Variants in TEKT3 observed in about 807,000 individuals in gnomAD.
TEKT3 encodes the protein tektin-3.
TEKT3 carries 49 observed loss-of-function variants against 49.8 expected under a neutral mutation model. The ratio of observed to expected loss-of-function variants is 0.98; its 90% CI spans 0.78 to 1.25. The LOEUF (loss-of-function observed/expected upper bound fraction) is 1.25, where lower values mean the gene tolerates loss of function less well. Among genes scored for constraint, TEKT3 ranks in the 50% most tolerant of loss-of-function variants. The pLI, the probability that TEKT3 is intolerant of heterozygous loss-of-function variation, is 0.00. For missense variants in TEKT3, 595 were observed against 629.5 expected (o/e 0.95, Z 0.59); for synonymous variants, 225 against 237.2 (o/e 0.95, Z 0.47).
At chr17:15,337,799 C>A (rs568647094) in intron 2 of TEKT3, among the ~76,000 whole-genome samples, 12 of 152,094 alleles carry the variant, frequency 7.9e-5, no homozygotes, top group Non-Finnish European at 1.6e-4. Context: ...CGAGATCATG[C>A]CACTGCACTC....
chr17:15,314,182 T>C lies in TEKT3; in HGVS notation c.783A>G (p.Lys261=). The C allele has an allele frequency of 6.2e-7, 1 of 1,614,206 alleles. No homozygotes were observed. The highest frequency in any genetic ancestry group is 8.5e-7 in the Non-Finnish European group (1 of 1,180,030). The change falls in exon 6 of 9, where the codon AAA becomes AAG. Residue 261 remains lysine, a synonymous_variant. Coordinates refer to ENST00000395930, the MANE Select transcript of TEKT3 (RefSeq NM_031898.3). ...QHELEKDLSD[K]QTAYRIDDKC... is the part of the protein sequence containing the mutation. Reference sequence around the variant, plus strand: ...TGTCGTCGATCCGGTAAGCCGTCTGTTTGTCACTCAGGTCCTTTTCCAGCT... The same window carrying C: ...TGTCGTCGATCCGGTAAGCCGTCTGCTTGTCACTCAGGTCCTTTTCCAGCT...
intron 3 of TEKT3, among the ~76,000 whole-genome samples, chr17:15,329,694 G>A (rs1175862183): frequency 6.6e-6 from 1 of 152,124 alleles, no homozygotes; most frequent in Non-Finnish European, 1.5e-5. Context: ...ACAGCGGGGA[G>A]GGGTTGCAGT....
At chr17:15,315,534 G>T (rs1910962692) in intron 5 of TEKT3, among the ~76,000 whole-genome samples, 1 of 151,344 alleles carries the variant, frequency 6.6e-6, no homozygotes, top group Non-Finnish European at 1.5e-5. Flanking sequence ...TCAGATTCTG[G>T]ATATGGTTTG....
Position 15,331,304 on chromosome 17 carries a change from G to C in TEKT3, c.282C>G (p.Tyr94Ter). ...VSNRTTFFTR[Y>*]TPDDWYRSNL... Reference sequence around the variant, plus strand: ...TGGACCTGTACCAGTCATCCGGTGTGTATCTTGTGAAGAAAGTGGTTCTGT... The same window carrying C: ...TGGACCTGTACCAGTCATCCGGTGTCTATCTTGTGAAGAAAGTGGTTCTGT... The change falls in exon 3 of 9, where the codon TAC becomes TAG. Residue 94 changes from tyrosine (Y) to a stop codon, truncating the protein, a stop_gained. Coordinates refer to ENST00000395930, the MANE Select transcript of TEKT3 (RefSeq NM_031898.3). LOFTEE classifies it high-confidence loss of function. 1 of 1,614,206 alleles carries C rather than the reference G, an allele frequency of 6.2e-7. No homozygotes were observed. Among genetic ancestry groups the C allele is most frequent in the South Asian group, 1.1e-5 (1 of 91,090 alleles).
chr17:15,322,337 G>T (rs893365580), intron 4 of TEKT3, among the ~76,000 whole-genome samples: 1 of 152,146 alleles, frequency 6.6e-6, no homozygotes, highest in Non-Finnish European at 1.5e-5. Context: ...ATAAACTAAT[G>T]GTAATAATAC....
chr17:15,333,951 G>A (rs999815066), intron 2 of TEKT3, among the ~76,000 whole-genome samples: 2 of 151,786 alleles, frequency 1.3e-5, no homozygotes, highest in African/African-American at 2.4e-5. Flanking sequence ...TTTTAGTAGA[G>A]TCGGGGTTTC....
chr17:15,325,520 T>C (rs556118964), intron 4 of TEKT3, among the ~76,000 whole-genome samples: 2 of 152,304 alleles, frequency 1.3e-5, no homozygotes, highest in South Asian at 4.1e-4. Flanking sequence ...GATCAATGCC[T>C]AGTCCCCACT....
At chr17:15,339,780 A>T (rs1912146148) in intron 2 of TEKT3, among the ~76,000 whole-genome samples, 1 of 152,342 alleles carries the variant, frequency 6.6e-6, no homozygotes, top group African/African-American at 2.4e-5. Context: ...ACTTAATTAC[A>T]GTTCTAAATA....
intron 8 of TEKT3, among the ~76,000 whole-genome samples, chr17:15,308,014 C>T (rs1910615335): frequency 6.6e-6 from 1 of 152,126 alleles, no homozygotes; most frequent in Admixed American, 6.5e-5. Flanking sequence ...GGGTCAGATT[C>T]CTCCTGCTGT....
chr17:15,329,549 A>T (rs1460258928), intron 3 of TEKT3, among the ~76,000 whole-genome samples: 1 of 152,256 alleles, frequency 6.6e-6, no homozygotes, highest in African/African-American at 2.4e-5. Context: ...GAGTAATCTG[A>T]TGCTCAGGGA....
rs948344376 is a variant in TEKT3, at chr17:15,310,002, G to C, written c.1102-1184C>G. Among the ~76,000 whole-genome samples the C allele has an allele frequency of 5.3e-5, 8 of 152,136 alleles. No homozygotes were observed. In the South Asian group the frequency reaches 1.7e-3, roughly 32 times the overall value. On this transcript the variant is annotated intron_variant, in intron 7 of 8. Transcript: ENST00000395930. ...GAGACCTCGTGCAATCACAGATTTA[G>C]CATTTGTGTCATCCAGGCACTCTTC...
chr17:15,327,774 A>G, intron 4 of TEKT3: 1 of 449,724 alleles, frequency 2.2e-6, no homozygotes, highest in Non-Finnish European at 4.0e-6. Context: ...TAAAGCTTCA[A>G]GTGATTTTCA....
chr17:15,326,778 C>T (rs1911510786), intron 4 of TEKT3, among the ~76,000 whole-genome samples: 1 of 152,128 alleles, frequency 6.6e-6, no homozygotes, highest in African/African-American at 2.4e-5. Flanking sequence ...TTGGGAAGGG[C>T]TCCAGGTACA....
At chr17:15,337,197 G>A (rs1204550025) in intron 2 of TEKT3, among the ~76,000 whole-genome samples, 1 of 151,922 alleles carries the variant, frequency 6.6e-6, no homozygotes, top group East Asian at 1.9e-4. Flanking sequence ...ATCCACATAA[G>A]TAAAAGCTCT....
At chr17:15,335,277 T>A (rs1013143918) in intron 2 of TEKT3, among the ~76,000 whole-genome samples, 1 of 152,186 alleles carries the variant, frequency 6.6e-6, no homozygotes, top group African/African-American at 2.4e-5. Context: ...TACAAAGGGA[T>A]CTTTGTGAGT....
Position 15,331,349 on chromosome 17 carries a change from G to T in TEKT3, c.237C>A (p.Thr79=), listed in dbSNP as rs767775431. 7.4e-5 allele frequency: 120 copies of T among 1,614,074 alleles called. No individual in the cohort carries two copies. Among genetic ancestry groups the T allele is most frequent in the South Asian group, 3.6e-4 (33 of 91,086 alleles). Residue 79 remains threonine, a synonymous_variant, in exon 3 of 9, where the codon ACC becomes ACA. Coordinates refer to ENST00000395930, the MANE Select transcript of TEKT3 (RefSeq NM_031898.3). ...CTRSQRVSEN[T]MLPFVSNRTT... ...TTCTGTTGGAAACAAAGGGAAGCAT[G>T]GTATTCTCGGACACCCTCTGTGATC...
In TEKT3 at chr17:15,304,491, C is replaced by T. The variant is rs1205353725; in HGVS notation, c.1257-339G>A. On this transcript the variant is annotated intron_variant, in intron 8 of 8. Transcript: ENST00000395930. The surrounding 1 kb of genome is among the most constrained non-coding windows in gnomAD (Gnocchi z 4.7). ...AATTTAGAGAGGTCACCAAGCCCAACTTCCTTGTTTTACAGACTAGGAAAT... is the reference window on the plus strand; with the variant it reads ...AATTTAGAGAGGTCACCAAGCCCAATTTCCTTGTTTTACAGACTAGGAAAT... 6.6e-6 allele frequency among the ~76,000 whole-genome samples: 1 copy of T among 152,182 alleles called. No homozygotes were observed. Among genetic ancestry groups the T allele is most frequent in the South Asian group, 2.1e-4 (1 of 4,822 alleles).
In TEKT3 at chr17:15,304,134, G is replaced by T; in HGVS notation, c.1275C>A (p.His425Gln). The T allele has an allele frequency of 1.9e-6, 3 of 1,613,666 alleles. No homozygotes were observed. The highest frequency in any genetic ancestry group is 2.5e-6 in the Non-Finnish European group (3 of 1,179,922). ...MAQLRLVNEV[H>Q]EVDDTIQTLQ... ...GGGTCTGGATGGTGTCGTCAACCTC[G>T]TGTACCTCGTTAACAAGGCTGCAGC... Residue 425 changes from histidine to glutamine, a missense_variant, in exon 9 of 9, where the codon CAC (histidine) becomes CAA (glutamine). Physicochemically the swap from His to Gln is conservative, Grantham distance 24. Transcript: ENST00000395930. The surrounding 1 kb of genome is among the most constrained non-coding windows in gnomAD (Gnocchi z 4.7).
chr17:15,332,654 T>C (rs980215173), intron 2 of TEKT3, among the ~76,000 whole-genome samples: 1 of 152,124 alleles, frequency 6.6e-6, no homozygotes, highest in South Asian at 2.1e-4. Context: ...CTCGAATGTA[T>C]AACAGAAATC....
Sources: allele counts gnomAD v4.1 joint callset (sites outside exome capture counted in the v4.1 genomes callset), GRCh38; gene constraint gnomAD v4.1.1; non-coding constraint Gnocchi (gnomAD v3.1); transcripts MANE v1.5; gene names NCBI Gene and HGNC (gene_info 2026-07-23, HGNC 2026-07-21).